HERPUD2: variants seen among roughly 807,000 people sequenced by gnomAD.
HERPUD2 encodes the protein homocysteine-responsive endoplasmic reticulum-resident ubiquitin-like domain member 2 protein.
HERPUD2 carries 13 observed loss-of-function variants against 49.9 expected under a neutral mutation model. The ratio of observed to expected loss-of-function variants is 0.26; its 90% CI spans 0.17 to 0.41. The LOEUF (loss-of-function observed/expected upper bound fraction) is 0.41, where lower values mean the gene tolerates loss of function less well. Ranked by LOEUF, HERPUD2 falls within the 10% of genes least tolerant of loss-of-function variation. HERPUD2 has a pLI of 1.00. For missense variants in HERPUD2, 449 were observed against 492.2 expected, an observed-to-expected ratio of 0.91 and a Z score of 0.83; for synonymous variants, 172 against 171.4, an observed-to-expected ratio of 1.00 and a Z score of -0.03.
intron 4 of HERPUD2, among the ~76,000 whole-genome samples, chr7:35,668,739 A>G (rs769692865): frequency 6.6e-6 from 1 of 152,216 alleles, no homozygotes; most frequent in Non-Finnish European, 1.5e-5. Context: ...TCTTAGGAAC[A>G]TAAACTGGGA....
At chr7:35,637,184 T>A (rs905020288) in intron 6 of HERPUD2, among the ~76,000 whole-genome samples, 1 of 150,430 alleles carries the variant, frequency 6.6e-6, no homozygotes, top group African/African-American at 2.4e-5. Flanking sequence ...GATAGATAGA[T>A]AGATAGATAG....
intron 2 of HERPUD2, among the ~76,000 whole-genome samples, chr7:35,674,404 T>TAGAGAG (rs3999932): frequency 5.8e-4 from 22 of 38,118 alleles, no homozygotes; most frequent in African/African-American, 8.9e-4. Flanking sequence ...TATATATATA[T>TAGAGAG]AGAGAGAGAG....
At chr7:35,648,994 G>A (rs572113470) in intron 5 of HERPUD2, among the ~76,000 whole-genome samples, 51 of 152,340 alleles carry the variant, frequency 3.3e-4, no homozygotes, top group African/African-American at 1.2e-3. Context: ...GCTCACGCCT[G>A]TAATCCCAGC....
rs1786134491 is a variant in HERPUD2, at chr7:35,689,407, TG to T, written c.147+4776del. The stretch of plus-strand genomic sequence containing the variant: ...TATAAAACAAAAATTATTTTGTTTA[TG>T]GATTATAGCCCCTTTAAATCAACAA... On this transcript the variant is annotated intron_variant, in intron 2 of 8. Coordinates refer to ENST00000311350, the MANE Select transcript of HERPUD2 (RefSeq NM_022373.5). Among the ~76,000 whole-genome samples the T allele has an allele frequency of 3.9e-5, 6 of 152,372 alleles. No individual in the cohort carries two copies. In the East Asian group the frequency reaches 1.2e-3, roughly 29 times the overall value.
Position 35,694,578 on chromosome 7 carries a change from G to A in HERPUD2, c.-248C>T, listed in dbSNP as rs1786274452. On this transcript the variant is annotated 5_prime_UTR_variant, in exon 2 of 9. Coordinates refer to ENST00000311350, the MANE Select transcript of HERPUD2 (RefSeq NM_022373.5). ...GGAGGCAGCTCTCCCCGCCAGGTCC[G>A]GGCTCCGCCGGGCTCCGGACTGTGG... 1.9e-6 allele frequency: 1 copy of A among 532,224 alleles called. No homozygotes were observed. Among genetic ancestry groups the A allele is most frequent in the Non-Finnish European group, 3.4e-6 (1 of 294,802 alleles). The allele number at this position is 532,224 out of a possible 1,614,324, so 33.0% of individuals were successfully genotyped here.
At chr7:35,653,519 A>G (rs544501675) in intron 5 of HERPUD2, among the ~76,000 whole-genome samples, 1 of 145,870 alleles carries the variant, frequency 6.9e-6, no homozygotes, top group East Asian at 2.2e-4. Flanking sequence ...CAGATCATCT[A>G]GAGAAACACT....
chr7:35,635,093 T>C (rs1278368198), intron 7 of HERPUD2, 42 bp downstream of exon 7: 2 of 1,438,686 alleles, frequency 1.4e-6, no homozygotes, highest in East Asian at 2.3e-5. Flanking sequence ...TGCTGAACAG[T>C]TGCAGAAATT....
chr7:35,682,351 GTGTGTGTA>G (rs1173480557), intron 2 of HERPUD2, among the ~76,000 whole-genome samples: 416 of 28,740 alleles, frequency 0.014, 40 homozygotes, highest in Non-Finnish European at 0.026. Context: ...GTGTGTGTGT[GTGTGTGTA>G]TATATATATA....
At chr7:35,675,184 T>C (rs1473706694) in intron 2 of HERPUD2, among the ~76,000 whole-genome samples, 1 of 152,196 alleles carries the variant, frequency 6.6e-6, no homozygotes, top group African/African-American at 2.4e-5. Context: ...GCTGATGTCC[T>C]CTGGAGAATT....
chr7:35,641,290 TA>T (rs1483081806), intron 5 of HERPUD2, among the ~76,000 whole-genome samples: 1 of 152,102 alleles, frequency 6.6e-6, no homozygotes, highest in Non-Finnish European at 1.5e-5. Context: ...AATAAGCCGT[TA>T]AAACACAATT....
At chr7:35,664,205 T>C (rs1371698974) in intron 5 of HERPUD2, among the ~76,000 whole-genome samples, 2 of 152,142 alleles carry the variant, frequency 1.3e-5, no homozygotes. Flanking sequence ...TTTAAGAATA[T>C]TGAATATTGG....
chr7:35,644,283 T>G (rs147336219), intron 5 of HERPUD2, among the ~76,000 whole-genome samples: 1 of 151,392 alleles, frequency 6.6e-6, no homozygotes, highest in Non-Finnish European at 1.5e-5. Context: ...TGAACCTTAA[T>G]TGAATTTAAT....
chr7:35,653,204 T>G (rs1341445182), intron 5 of HERPUD2, among the ~76,000 whole-genome samples: 1 of 152,102 alleles, frequency 6.6e-6, no homozygotes, highest in African/African-American at 2.4e-5. Context: ...CAACTGTAAA[T>G]GCACAGACTG....
intron 4 of HERPUD2, among the ~76,000 whole-genome samples, chr7:35,669,801 G>T (rs990499715): frequency 6.6e-6 from 1 of 152,078 alleles, no homozygotes; most frequent in Admixed American, 6.6e-5. Flanking sequence ...ACTTCAAGAA[G>T]ATTTAGGGTA....
chr7:35,670,304 G>T lies in HERPUD2; in HGVS notation c.250C>A (p.Leu84Ile). 6.5e-7 allele frequency: 1 copy of T among 1,543,044 alleles called. No individual in the cohort carries two copies. Among genetic ancestry groups the T allele is most frequent in the Non-Finnish European group, 8.8e-7 (1 of 1,136,232 alleles). The change falls in exon 4 of 9, where the codon CTA becomes ATA. Residue 84 changes from leucine to isoleucine, a missense_variant. Coordinates refer to ENST00000311350, the MANE Select transcript of HERPUD2 (RefSeq NM_022373.5). ...RKQDEYHMVH[L>I]VCTSRTPPSS... Reference sequence around the variant, plus strand: ...GGAGGAGTCCGAGAAGTACATACTAGATGAACCATATGATACTCATCTTGC... The same window carrying T: ...GGAGGAGTCCGAGAAGTACATACTATATGAACCATATGATACTCATCTTGC...
chr7:35,635,491 A>T, intron 6 of HERPUD2, 33 bp from the exon 7 acceptor site: 10 of 1,537,990 alleles, frequency 6.5e-6, no homozygotes, highest in Non-Finnish European at 8.8e-6. Context: ...TATTAAAAAG[A>T]AAAAAAAACT....
rs1030015215 is a variant in HERPUD2, at chr7:35,633,295, C to T, written c.*395G>A. 5 of 152,902 alleles carry T rather than the reference C, an allele frequency of 3.3e-5. No homozygotes were observed. Among genetic ancestry groups the T allele is most frequent in the African/African-American group, 9.7e-5 (4 of 41,372 alleles). The allele number at this position is 152,902 out of a possible 1,614,324, so 9.5% of individuals were successfully genotyped here. A position where few individuals can be genotyped will look rare whatever the true frequency, so the allele number is the denominator to read the frequency against. On this transcript the variant is annotated 3_prime_UTR_variant, in exon 9 of 9. Transcript: ENST00000311350. Reference sequence around the variant, plus strand: ...TGTTTGCCAGGCTGGTCTCGAACTCCTGACCTCAAGTAACCCACCCGCCTC... The same window carrying T: ...TGTTTGCCAGGCTGGTCTCGAACTCTTGACCTCAAGTAACCCACCCGCCTC...
At chr7:35,693,640 T>C (rs551062759) in intron 2 of HERPUD2, among the ~76,000 whole-genome samples, 1 of 152,276 alleles carries the variant, frequency 6.6e-6, no homozygotes, top group Admixed American at 6.5e-5. Context: ...CCCTTTTCCA[T>C]GCCTGCCAAT....
chr7:35,648,685 C>T (rs968186151), intron 5 of HERPUD2, among the ~76,000 whole-genome samples: 4 of 152,194 alleles, frequency 2.6e-5, no homozygotes, highest in Admixed American at 2.6e-4. Context: ...GCCCTCTTGT[C>T]TTCCTGTCAT....
Sources: gnomAD v4.1 joint callset for allele counts (sites outside exome capture counted in the v4.1 genomes callset) on GRCh38, gnomAD v4.1.1 for gene constraint, MANE v1.5 for transcripts, NCBI Gene and HGNC (gene_info 2026-07-23, HGNC 2026-07-21) for gene names.